The following CTRB2 variants were observed in gnomAD, a reference collection of about 807,000 sequenced individuals.
CTRB2 encodes the protein chymotrypsinogen B2, also known as chymotrypsin B2.
A neutral mutation model predicts 19.3 loss-of-function variants in CTRB2; 9 were observed. That is an observed-to-expected ratio of 0.47 (90% confidence interval 0.28 to 0.81). CTRB2 has a LOEUF of 0.81. CTRB2 is among the 40% of genes least tolerant of loss of function. The pLI is 0.11. For synonymous variants in CTRB2, 98 were observed against 117.3 expected, an observed-to-expected ratio of 0.84 and a Z score of 1.06; for missense variants, 210 against 269.7, an observed-to-expected ratio of 0.78 and a Z score of 1.55.
intron 1 of CTRB2, chr16:75,206,495 G>C (rs2038894394): frequency 4.2e-6 from 2 of 481,820 alleles, no homozygotes; most frequent in South Asian, 3.2e-5. Flanking sequence ...TGGGAGGCCA[G>C]ACTCTGTGGG....
In CTRB2 at chr16:75,207,151, G is replaced by C. The variant is rs201034849; in HGVS notation, c.-10C>G. 4 of 1,556,344 alleles carry C rather than the reference G, an allele frequency of 2.6e-6. No homozygotes were observed. The African/African-American group carries it at 5.4e-5, about 21-fold the overall frequency. On this transcript the variant is annotated 5_prime_UTR_variant, in exon 1 of 7. Transcript: ENST00000303037. ...GCCAGAGGAAAGCCATGGTGCCGCTGGCAGGGGTGTAGGACGCCTGTCTGC... is the reference window on the plus strand; with the variant it reads ...GCCAGAGGAAAGCCATGGTGCCGCTCGCAGGGGTGTAGGACGCCTGTCTGC...
At chr16:75,206,503 G>A (rs1012365397) in intron 1 of CTRB2, 83 of 468,152 alleles carry the variant, frequency 1.8e-4, no homozygotes, top group Non-Finnish European at 3.0e-4. Context: ...CAGACTCTGT[G>A]GGTTTGAACC....
At chr16:75,206,067 C>G in intron 2 of CTRB2, 23 bp downstream of exon 2, 10 of 1,460,086 alleles carry the variant, frequency 6.8e-6, no homozygotes, top group Non-Finnish European at 9.2e-6. Flanking sequence ...CAGGGTGCCC[C>G]CCACCTTGCA....
At position 75,204,214 on chromosome 16, in the gene CTRB2, C is replaced by T. The variant is rs760041473; in HGVS notation, c.739G>A (p.Ala247Thr). ...TCSTTTPAVY[A>T]RVAKLIPWVQ... ...CAGGGTATGAGCTTGGCGACACGGG[C>T]GTACACAGCGGGCGTGGTGGTAGAG... The change falls in exon 7 of 7, where the codon GCC (alanine) becomes ACC (threonine). Residue 247 changes from alanine (A) to threonine (T), a missense_variant. Ala to Thr is a moderately conservative substitution (Grantham distance 58, BLOSUM62 0). Coordinates refer to ENST00000303037, the MANE Select transcript of CTRB2 (RefSeq NM_001025200.4). 5.0e-5 allele frequency: 81 copies of T among 1,613,922 alleles called. No homozygotes were observed. Among genetic ancestry groups the T allele is most frequent in the African/African-American group, 1.2e-4 (9 of 74,904 alleles).
At position 75,204,311 on chromosome 16, in the gene CTRB2, T is replaced by A. The variant is rs1130511; in HGVS notation, c.642A>T (p.Gly214=). 6 of 1,613,710 alleles carry A rather than the reference T, an allele frequency of 3.7e-6. No individual in the cohort carries two copies. In the African/African-American group the frequency reaches 8.0e-5, roughly 22 times the overall value. Residue 214 remains glycine, a synonymous_variant, in exon 7 of 7, where the codon GGA becomes GGT. Coordinates refer to ENST00000303037, the MANE Select transcript of CTRB2 (RefSeq NM_001025200.4). ...CGTCCTTCTGGCAGACCAGGGGGCCTCCAGAGTCACCCTGCAGGAAGGAGA... is the reference window on the plus strand; with the variant it reads ...CGTCCTTCTGGCAGACCAGGGGGCCACCAGAGTCACCCTGCAGGAAGGAGA... The part of the protein sequence containing the change: ...SGVSSCMGDS[G]GPLVCQKDGA...
chr16:75,204,618 A>G, intron 6 of CTRB2, 155 bp downstream of exon 6: 3 of 1,427,892 alleles, frequency 2.1e-6, no homozygotes, highest in Non-Finnish European at 2.8e-6. Flanking sequence ...CATGGCCTGG[A>G]GGAACCCTCA....
chr16:75,204,386 C>T (rs1481145846), intron 6 of CTRB2, 64 bp from the exon 7 acceptor site: 18 of 1,507,746 alleles, frequency 1.2e-5, no homozygotes, highest in East Asian at 9.2e-5. Flanking sequence ...GGGACCCTGA[C>T]CTGGTGGAGT....
intron 1 of CTRB2, chr16:75,206,775 T>G: frequency 2.3e-6 from 1 of 425,840 alleles, no homozygotes; most frequent in East Asian, 5.0e-5. Flanking sequence ...TGTTTGGGGG[T>G]TTCCCGAAGG....
Position 75,204,157 on chromosome 16 carries a change from G to C in CTRB2, c.*4C>G. 1 of 1,614,102 alleles carries C rather than the reference G, an allele frequency of 6.2e-7. No homozygotes were observed. ...TTAAGGCAGGGGTGGCAGGAGCTGC[G>C]GGCTCAGTTGGCGGCCAGGATCTTC... On this transcript the variant is annotated 3_prime_UTR_variant, in exon 7 of 7. Transcript: ENST00000303037.
intron 1 of CTRB2, chr16:75,206,608 A>C: frequency 3.3e-6 from 1 of 306,284 alleles, no homozygotes; most frequent in East Asian, 7.8e-5. Flanking sequence ...TAGAGTGAGC[A>C]GGCAGAGCGC....
chr16:75,204,814 CGT>C lies in CTRB2; in HGVS notation c.587_588del (p.Asp196GlyfsTer16). 6 of 1,411,910 alleles carry C rather than the reference CGT, an allele frequency of 4.2e-6. No homozygotes were observed. Among genetic ancestry groups the C allele is most frequent in the Middle Eastern group, 2.4e-4 (1 of 4,142 alleles). The allele number at this position is 1,411,910 out of a possible 1,614,324, so 87.5% of individuals were successfully genotyped here. A position where few individuals can be genotyped will look rare whatever the true frequency, so the allele number is the denominator to read the frequency against. ...CCACTGGCCCCGGCACAGATCATCA[CGT>C]CGGTGATCCTCCTGCCCCAGGACTT... is the stretch of plus-strand genomic sequence containing the variant. ...CKKSWGRRIT[D>X]VMICAGASGV... On this transcript the variant is annotated frameshift_variant, in exon 6 of 7. Coordinates refer to ENST00000303037, the MANE Select transcript of CTRB2 (RefSeq NM_001025200.4). LOFTEE classifies it low-confidence loss of function (END_TRUNC).
At chr16:75,204,573 G>T (rs1428703917) in intron 6 of CTRB2, among the ~76,000 whole-genome samples, 200 bp downstream of exon 6, 1 of 152,172 alleles carries the variant, frequency 6.6e-6, no homozygotes, top group African/African-American at 2.4e-5. Flanking sequence ...CAGCTCACAG[G>T]GCTGCAAGGA....
Position 75,206,150 on chromosome 16 carries a change from G to A in CTRB2, c.96C>T (p.Ser32=), listed in dbSNP as rs1449671509. The change falls in exon 2 of 7, where the codon TCC becomes TCT. Residue 32 remains serine (S), a synonymous_variant. Transcript: ENST00000303037. The stretch of plus-strand genomic sequence containing the variant: ...CGGCGTCCTCCCCATTCACGATCCT[G>A]GACAGGCCGCTGAGCACAGGGTGGA... ...PAIHPVLSGL[S]RIVNGEDAVP... 17 of 1,551,358 alleles carry A rather than the reference G, an allele frequency of 1.1e-5. No individual in the cohort carries two copies. The highest frequency in any genetic ancestry group is 1.4e-5 in the Non-Finnish European group (16 of 1,146,950).
At position 75,204,838 on chromosome 16, in the gene CTRB2, A is replaced by G; in HGVS notation, c.565T>C (p.Ser189Pro). 1.5e-6 allele frequency: 2 copies of G among 1,362,882 alleles called. No homozygotes were observed. Among genetic ancestry groups the G allele is most frequent in the Non-Finnish European group, 2.0e-6 (2 of 994,104 alleles). The allele number at this position is 1,362,882 out of a possible 1,614,324, so 84.4% of individuals were successfully genotyped here. A position where few individuals can be genotyped will look rare whatever the true frequency, so the allele number is the denominator to read the frequency against. Residue 189 changes from serine to proline, a missense_variant, in exon 6 of 7, where the codon TCC becomes CCC. Transcript: ENST00000303037. ...ACGTCGGTGATCCTCCTGCCCCAGG[A>G]CTTCTTGCATTCGGCATTGGACAGG... is the stretch of plus-strand genomic sequence containing the variant. ...PLLSNAECKK[S>P]WGRRITDVMI...
At chr16:75,206,388 G>A (rs2038892456) in intron 1 of CTRB2, 195 bp from the exon 2 acceptor site, 6 of 617,044 alleles carry the variant, frequency 9.7e-6, no homozygotes. Context: ...AATGAACTGG[G>A]CTGTGGGCTG....
At chr16:75,206,585 C>G in intron 1 of CTRB2, 1 of 326,496 alleles carries the variant, frequency 3.1e-6, no homozygotes, top group Non-Finnish European at 5.7e-6. Flanking sequence ...TGTTTCTGAC[C>G]TCACAGGTTT....
chr16:75,204,376 GGGACCCTGACCTGGT>G lies in CTRB2; in HGVS notation c.631-69_631-55del. 3 of 1,561,344 alleles carry G rather than the reference GGGACCCTGACCTGGT, an allele frequency of 1.9e-6. No individual in the cohort carries two copies. The South Asian group carries it at 3.4e-5, about 18-fold the overall frequency. ...GCCTGAAAGGGGTGCCAGGGCCTAG[GGGACCCTGACCTGGT>G]GGAGTCTAGGGAGGGGTGCGGAGAA... On this transcript the variant is annotated intron_variant, in intron 6 of 6. Transcript: ENST00000303037.
rs781425687 is a variant in CTRB2 at position 75,204,299 on chromosome 16, G to C, written c.654C>G (p.Val218=). The C allele has an allele frequency of 5.6e-6, 9 of 1,614,092 alleles. No homozygotes were observed. Among genetic ancestry groups the C allele is most frequent in the Non-Finnish European group, 7.6e-6 (9 of 1,180,008 alleles). ...SCMGDSGGPL[V]CQKDGAWTLV... ...GGGTCCAGGCTCCGTCCTTCTGGCA[G>C]ACCAGGGGGCCTCCAGAGTCACCCT... The change falls in exon 7 of 7, where the codon GTC becomes GTG. Residue 218 remains valine (V), a synonymous_variant. Transcript: ENST00000303037.
chr16:75,206,882 A>C (rs57265564), intron 1 of CTRB2: 1 of 574,150 alleles, frequency 1.7e-6, no homozygotes, highest in Non-Finnish European at 3.2e-6. Context: ...GGGACTCCCC[A>C]TCTCCTGAGC....
Sources: allele counts gnomAD v4.1 joint callset (sites outside exome capture counted in the v4.1 genomes callset), GRCh38; gene constraint gnomAD v4.1.1; transcripts MANE v1.5; gene names NCBI Gene and HGNC (gene_info 2026-07-23, HGNC 2026-07-21).